GALNT9: variants seen among roughly 807,000 people sequenced by gnomAD.
The protein encoded by GALNT9 is GalNAc transferase 9.
In GALNT9, 47 loss-of-function variants were observed where a neutral mutation model predicts 63.1. The observed-to-expected ratio is 0.75, with a 90% CI of 0.59 to 0.95. The LOEUF is 0.95. Ranked by LOEUF, GALNT9 falls within the 40% of genes least tolerant of loss-of-function variation. The pLI is 0.00. For synonymous variants in GALNT9, 396 were observed against 365.7 expected, an observed-to-expected ratio of 1.08 and a Z score of -0.94; for missense variants, 829 against 874.8, an observed-to-expected ratio of 0.95 and a Z score of 0.66.
chr12:132,291,550 T>G (rs1306496552), intron 1 of GALNT9, among the ~76,000 whole-genome samples: 1 of 144,826 alleles, frequency 6.9e-6, no homozygotes, highest in South Asian at 2.2e-4. Flanking sequence ...ACCACCGACA[T>G]CCACAGCACC....
intron 2 of GALNT9, chr12:132,275,891 T>G (rs1555241150): frequency 6.5e-6 from 1 of 152,696 alleles, no homozygotes. Context: ...TGTGCCCAGG[T>G]GTGTGTGTGG....
At position 132,301,814 on chromosome 12, in the gene GALNT9, T is replaced by C. The variant is rs190373966; in HGVS notation, c.239-15384A>G. The stretch of plus-strand genomic sequence containing the variant: ...TCCAGGGGGGCACGGAACATTTGTG[T>C]GCCACCTTCAAGATGGAGGGGTCTG... On this transcript the variant is annotated intron_variant, in intron 1 of 10. Coordinates refer to ENST00000328957, the MANE Select transcript of GALNT9 (RefSeq NM_001122636.2). 3.1e-3 allele frequency among the ~76,000 whole-genome samples: 476 copies of C among 152,358 alleles called. 4 individuals are homozygous for C. Among genetic ancestry groups the C allele is most frequent in the African/African-American group, 0.011 (457 of 41,588 alleles).
chr12:132,287,504 CACAG>C (rs1263691833), intron 1 of GALNT9, among the ~76,000 whole-genome samples: 1 of 152,200 alleles, frequency 6.6e-6, no homozygotes, highest in Non-Finnish European at 1.5e-5. Context: ...GAGCCGTCGA[CACAG>C]GCAGCAGCCG....
At position 132,245,016 on chromosome 12, in the gene GALNT9, G is replaced by T. The variant is rs1158508738; in HGVS notation, c.1077+2894C>A. Among the ~76,000 whole-genome samples, 1 of 151,836 alleles carries T rather than the reference G, an allele frequency of 6.6e-6. No homozygotes were observed. The highest frequency in any genetic ancestry group is 1.5e-5 in the Non-Finnish European group (1 of 67,936). On this transcript the variant is annotated intron_variant, in intron 6 of 10. Transcript: ENST00000328957. This position sits in a 1 kb window ranked among gnomAD's most constrained non-coding sequence, Gnocchi z 6.3. ...GGTCGGGGGAGAGGTGGCAGGGAGGGCAGGGAGGTCAGGGAGTGGAGTAAA... is the reference window on the plus strand; with the variant it reads ...GGTCGGGGGAGAGGTGGCAGGGAGGTCAGGGAGGTCAGGGAGTGGAGTAAA...
At chr12:132,216,715 T>TG (rs1215894902) in intron 6 of GALNT9, among the ~76,000 whole-genome samples, 1 of 152,228 alleles carries the variant, frequency 6.6e-6, no homozygotes, top group Non-Finnish European at 1.5e-5. Flanking sequence ...CTGACTGGGA[T>TG]GCCCACTCAC....
rs1164496712 is a variant in GALNT9, at chr12:132,238,358, G to C, written c.1077+9552C>G. Among the ~76,000 whole-genome samples, 2 of 152,076 alleles carry C rather than the reference G, an allele frequency of 1.3e-5. No individual in the cohort carries two copies. Among genetic ancestry groups the C allele is most frequent in the Non-Finnish European group, 2.9e-5 (2 of 68,000 alleles). ...GAGCTGGATGGGGGGCTTCAGGAGGGGCCGGGCAGGGGGACGTGGAGACGG... is the reference window on the plus strand; with the variant it reads ...GAGCTGGATGGGGGGCTTCAGGAGGCGCCGGGCAGGGGGACGTGGAGACGG... On this transcript the variant is annotated intron_variant, in intron 6 of 10. Transcript: ENST00000328957. This position sits in a 1 kb window ranked among gnomAD's most constrained non-coding sequence, Gnocchi z 6.5.
chr12:132,208,257 C>G (rs1876809469), intron 6 of GALNT9, among the ~76,000 whole-genome samples: 1 of 118,732 alleles, frequency 8.4e-6, no homozygotes, highest in Admixed American at 8.1e-5. Context: ...ACTTGGCCCC[C>G]CTCTCAGGGG....
intron 4 of GALNT9, among the ~76,000 whole-genome samples, chr12:132,259,108 G>A (rs949759860): frequency 4.6e-5 from 7 of 152,200 alleles, no homozygotes; most frequent in Non-Finnish European, 8.8e-5. Context: ...TACTGTTAGC[G>A]AAGTGCTTCA....
chr12:132,285,105 C>A (rs556903588), intron 2 of GALNT9, among the ~76,000 whole-genome samples: 1 of 152,226 alleles, frequency 6.6e-6, no homozygotes, highest in South Asian at 2.1e-4. Flanking sequence ...GGTTCCCTGG[C>A]GGGTGGGGCA....
intron 1 of GALNT9, among the ~76,000 whole-genome samples, chr12:132,317,723 G>A (rs1484769595): frequency 6.6e-6 from 1 of 152,158 alleles, no homozygotes; most frequent in Non-Finnish European, 1.5e-5. Flanking sequence ...CTCCCCAGCT[G>A]GCCCCACCTT....
At chr12:132,328,525 C>T (rs968203187) in intron 1 of GALNT9, among the ~76,000 whole-genome samples, 1 of 152,174 alleles carries the variant, frequency 6.6e-6, no homozygotes, top group South Asian at 2.1e-4. Flanking sequence ...AGCAGCCTCC[C>T]AAGTGTGGCG....
chr12:132,322,941 G>C (rs1295472872), intron 1 of GALNT9, among the ~76,000 whole-genome samples: 1 of 152,196 alleles, frequency 6.6e-6, no homozygotes, highest in Non-Finnish European at 1.5e-5. Context: ...TCCCGTACGG[G>C]AAAGCCCAGG....
chr12:132,263,034 C>T (rs80236761), intron 2 of GALNT9, among the ~76,000 whole-genome samples: 2,800 of 152,178 alleles, frequency 0.018, 93 homozygotes, highest in African/African-American at 0.064. Context: ...CAGACAGGAG[C>T]CTCCCCTGTG....
intron 7 of GALNT9, among the ~76,000 whole-genome samples, chr12:132,202,487 T>C (rs2135503215): frequency 6.6e-6 from 1 of 152,172 alleles, no homozygotes; most frequent in South Asian, 2.1e-4. Flanking sequence ...TGGGGTGCAC[T>C]CTAGCAGGGG....
chr12:132,243,537 G>C (rs1593080865), intron 6 of GALNT9, among the ~76,000 whole-genome samples: 2 of 152,176 alleles, frequency 1.3e-5, no homozygotes, highest in Admixed American at 6.5e-5. Context: ...TGGTGTTGTT[G>C]GTCCTTCCCT....
intron 6 of GALNT9, among the ~76,000 whole-genome samples, chr12:132,239,639 G>A (rs1208846167): frequency 2.3e-5 from 2 of 86,106 alleles, no homozygotes; most frequent in African/African-American, 1.1e-4. Context: ...GAGAGACAGA[G>A]TCAGAGACAG....
At chr12:132,254,655 T>C (rs1333322709) in intron 5 of GALNT9, among the ~76,000 whole-genome samples, 1 of 152,186 alleles carries the variant, frequency 6.6e-6, no homozygotes, top group Admixed American at 6.5e-5. Flanking sequence ...TACACGAAGG[T>C]CAGGCAGGTA....
At chr12:132,267,410 C>A (rs1555240288) in intron 2 of GALNT9, among the ~76,000 whole-genome samples, 1 of 152,244 alleles carries the variant, frequency 6.6e-6, no homozygotes, top group Non-Finnish European at 1.5e-5. Context: ...GGGAGGTGAG[C>A]AGCCGGGGGT....
chr12:132,325,682 C>G (rs1490357064), intron 1 of GALNT9, among the ~76,000 whole-genome samples: 1 of 152,232 alleles, frequency 6.6e-6, no homozygotes, highest in African/African-American at 2.4e-5. Context: ...GCTCCAGGCT[C>G]TCAGCTTTCC....
Sources: gnomAD v4.1 joint callset for allele counts (sites outside exome capture counted in the v4.1 genomes callset) on GRCh38, gnomAD v4.1.1 for gene constraint, Gnocchi (gnomAD v3.1) non-coding constraint, MANE v1.5 for transcripts, NCBI Gene and HGNC (gene_info 2026-07-23, HGNC 2026-07-21) for gene names.